The following PSMB7 variants were observed in gnomAD, a reference collection of about 807,000 sequenced individuals.
PSMB7 encodes the protein proteasome 20S subunit beta 7.
In PSMB7, 5 loss-of-function variants were observed where a neutral mutation model predicts 28.1. That is an observed-to-expected ratio of 0.18 (90% CI 0.09 to 0.37). The LOEUF is 0.37. PSMB7 is among the 10% of genes least tolerant of loss of function. The pLI, the probability that PSMB7 is intolerant of heterozygous loss-of-function variation, is 1.00. For synonymous variants in PSMB7, 122 were observed against 123.7 expected (o/e 0.99, Z 0.09); for missense variants, 275 against 346.2 (o/e 0.79, Z 1.63).
intron 7 of PSMB7, among the ~76,000 whole-genome samples, chr9:124,355,685 A>G (rs1375661410): frequency 6.6e-6 from 1 of 152,178 alleles, no homozygotes; most frequent in East Asian, 1.9e-4. Context: ...TCGTGGGCTC[A>G]TTAGAGGTCA....
At chr9:124,402,857 T>C (rs1830926155) in intron 5 of PSMB7, among the ~76,000 whole-genome samples, 2 of 152,212 alleles carry the variant, frequency 1.3e-5, no homozygotes, top group African/African-American at 2.4e-5. Flanking sequence ...AAAATTACCA[T>C]AAGTATCTTC....
chr9:124,360,581 A>G (rs1368467209), intron 6 of PSMB7, among the ~76,000 whole-genome samples: 2 of 152,238 alleles, frequency 1.3e-5, no homozygotes, highest in Non-Finnish European at 2.9e-5. Context: ...AGTAGGCCTT[A>G]CCCTCGTTAC....
chr9:124,389,350 C>T (rs1467770401), intron 5 of PSMB7, among the ~76,000 whole-genome samples: 1 of 152,180 alleles, frequency 6.6e-6, no homozygotes. Context: ...CCTTAGCAAC[C>T]TTCCCCAAGC....
In PSMB7 at chr9:124,379,399, C is replaced by T. The variant is rs185481265; in HGVS notation, c.570+5199G>A. Among the ~76,000 whole-genome samples, 70 of 152,198 alleles carry T rather than the reference C, an allele frequency of 4.6e-4. No homozygotes were observed. In the East Asian group the frequency reaches 0.013, roughly 28 times the overall value. On this transcript the variant is annotated intron_variant, in intron 6 of 7. Coordinates refer to ENST00000259457, the MANE Select transcript of PSMB7 (RefSeq NM_002799.4). ...AAGGGAATAGAAACGACCAGGTGTA[C>T]GCACAGTCCCTGCCCGAGAAGAATT...
At chr9:124,414,038 C>T (rs1232144619) in intron 2 of PSMB7, 33 bp from the exon 3 acceptor site, 5 of 1,413,606 alleles carry the variant, frequency 3.5e-6, no homozygotes, top group Admixed American at 1.7e-5. Flanking sequence ...AACAATTTTA[C>T]AAATATAAGC....
chr9:124,373,883 C>T (rs759214316), intron 6 of PSMB7, among the ~76,000 whole-genome samples: 1 of 152,182 alleles, frequency 6.6e-6, no homozygotes, highest in African/African-American at 2.4e-5. Context: ...ACCTGGCAAT[C>T]TTGCTCCTAG....
intron 6 of PSMB7, among the ~76,000 whole-genome samples, chr9:124,365,248 A>G (rs938924483): frequency 3.3e-5 from 5 of 152,118 alleles, no homozygotes; most frequent in Non-Finnish European, 7.4e-5. Flanking sequence ...ACAAGGAGAT[A>G]ATCTCATTAC....
At chr9:124,365,477 A>G (rs1311924880) in intron 6 of PSMB7, among the ~76,000 whole-genome samples, 2 of 152,174 alleles carry the variant, frequency 1.3e-5, no homozygotes, top group East Asian at 3.8e-4. Context: ...TTGCCAGAGA[A>G]CCTCACAGGC....
At chr9:124,402,397 G>C (rs559137541) in intron 5 of PSMB7, among the ~76,000 whole-genome samples, 1 of 152,356 alleles carries the variant, frequency 6.6e-6, no homozygotes, top group South Asian at 2.1e-4. Flanking sequence ...ACTGGCAAGA[G>C]AAACCAATTT....
At chr9:124,372,178 C>T (rs762567211) in intron 6 of PSMB7, among the ~76,000 whole-genome samples, 8 of 152,166 alleles carry the variant, frequency 5.3e-5, no homozygotes, top group Non-Finnish European at 1.0e-4. Context: ...AAGGAATTCC[C>T]ACCACCATAC....
chr9:124,377,030 T>C (rs1270082306), intron 6 of PSMB7, among the ~76,000 whole-genome samples: 1 of 152,216 alleles, frequency 6.6e-6, no homozygotes, highest in Non-Finnish European at 1.5e-5. Context: ...ATGCTATAAA[T>C]TCACCAAGCC....
intron 6 of PSMB7, among the ~76,000 whole-genome samples, chr9:124,362,369 T>C (rs1041013): frequency 0.067 from 10,260 of 152,316 alleles, 956 homozygotes; most frequent in East Asian, 0.46. Context: ...AAGTGTCCCT[T>C]GCCTTCTGCG....
chr9:124,405,253 C>T, intron 5 of PSMB7, 64 bp downstream of exon 5: 1 of 1,134,928 alleles, frequency 8.8e-7, no homozygotes, highest in Middle Eastern at 2.3e-4. Context: ...AACAGACCAG[C>T]TCTTCAAGAG....
chr9:124,379,605 A>G (rs552925640), intron 6 of PSMB7, among the ~76,000 whole-genome samples: 9 of 152,364 alleles, frequency 5.9e-5, no homozygotes, highest in African/African-American at 2.2e-4. Context: ...CAGATAACTT[A>G]AAACAGCAGA....
At chr9:124,363,075 A>G (rs1366239026) in intron 6 of PSMB7, among the ~76,000 whole-genome samples, 1 of 152,258 alleles carries the variant, frequency 6.6e-6, no homozygotes, top group African/African-American at 2.4e-5. Context: ...TTTGTATCCC[A>G]GGGAACTAGC....
chr9:124,357,540 A>G (rs1286996015), intron 6 of PSMB7, among the ~76,000 whole-genome samples: 1 of 152,190 alleles, frequency 6.6e-6, no homozygotes, highest in Non-Finnish European at 1.5e-5. Context: ...GCCCAGAATA[A>G]TCTCTCTCTC....
intron 5 of PSMB7, among the ~76,000 whole-genome samples, chr9:124,399,924 A>G (rs1830882806): frequency 6.6e-6 from 1 of 152,108 alleles, no homozygotes; most frequent in Non-Finnish European, 1.5e-5. Context: ...TAATCCTCTC[A>G]TTCCCTGGCT....
At chr9:124,414,253 G>A (rs370215488) in intron 2 of PSMB7, among the ~76,000 whole-genome samples, 14 of 152,142 alleles carry the variant, frequency 9.2e-5, no homozygotes, top group African/African-American at 7.2e-5. Flanking sequence ...CTCAGGTGTC[G>A]GGTAAATTCC....
At chr9:124,415,205 C>T in intron 1 of PSMB7, 159 bp downstream of exon 1, 1 of 799,328 alleles carries the variant, frequency 1.3e-6, no homozygotes, top group South Asian at 1.8e-5. Context: ...AGGAGAAACC[C>T]ACGCCCAGGC....
Sources: gnomAD v4.1 joint callset for allele counts (sites outside exome capture counted in the v4.1 genomes callset) on GRCh38, gnomAD v4.1.1 for gene constraint, MANE v1.5 for transcripts, NCBI Gene and HGNC (gene_info 2026-07-23, HGNC 2026-07-21) for gene names.